The following CHCHD6 variants were observed in gnomAD, a reference collection of about 807,000 sequenced individuals.
CHCHD6 encodes the protein coiled-coil-helix-coiled-coil-helix domain containing 6.
A neutral mutation model predicts 32.3 loss-of-function variants in CHCHD6; 28 were observed. The ratio of observed to expected loss-of-function variants is 0.87; its 90% CI spans 0.64 to 1.19. CHCHD6 has a LOEUF of 1.19. CHCHD6 is among the 50% of genes most tolerant of loss of function. The pLI, the probability that CHCHD6 is intolerant of heterozygous loss-of-function variation, is 0.00. For missense variants in CHCHD6, 333 were observed against 307.0 expected (o/e 1.08, Z -0.63); for synonymous variants, 122 against 117.5 (o/e 1.04, Z -0.25).
At chr3:126,807,447 A>T (rs528044401) in intron 4 of CHCHD6, among the ~76,000 whole-genome samples, 17 of 152,172 alleles carry the variant, frequency 1.1e-4, no homozygotes, top group Non-Finnish European at 4.4e-5. Context: ...AATTCAATAG[A>T]AGGGCTAGAA....
At chr3:126,863,515 T>C (rs1942054309) in intron 5 of CHCHD6, among the ~76,000 whole-genome samples, 1 of 132,848 alleles carries the variant, frequency 7.5e-6, no homozygotes, top group African/African-American at 3.0e-5. Context: ...CACCACCTCC[T>C]CCTCCACCAT....
At chr3:126,902,367 A>G (rs2077940662) in intron 5 of CHCHD6, among the ~76,000 whole-genome samples, 1 of 152,176 alleles carries the variant, frequency 6.6e-6, no homozygotes, top group Admixed American at 6.5e-5. Flanking sequence ...ATGAAGGATA[A>G]AAGGACTATT....
rs756675938 is a variant in CHCHD6, at chr3:126,854,061, C to T, written c.495+1331C>T. On this transcript the variant is annotated intron_variant, in intron 5 of 7. Coordinates refer to ENST00000290913, the MANE Select transcript of CHCHD6 (RefSeq NM_032343.3). ...GTTTCAGGCAGAAAGGAAAGAGCCT[C>T]GCAGCATTTTTGCCTCTCTAAAATC... is the stretch of plus-strand genomic sequence containing the variant. Among the ~76,000 whole-genome samples, 10 of 152,142 alleles carry T rather than the reference C, an allele frequency of 6.6e-5. No homozygotes were observed. In the East Asian group the frequency reaches 1.2e-3, roughly 18 times the overall value.
At chr3:126,736,295 G>C (rs1936041246) in intron 4 of CHCHD6, among the ~76,000 whole-genome samples, 1 of 152,218 alleles carries the variant, frequency 6.6e-6, no homozygotes, top group Non-Finnish European at 1.5e-5. Context: ...TGGTGTGGCA[G>C]TGTGTGGATC....
chr3:126,913,001 A>G (rs2078114928), intron 5 of CHCHD6, among the ~76,000 whole-genome samples: 1 of 152,194 alleles, frequency 6.6e-6, no homozygotes, highest in Non-Finnish European at 1.5e-5. Context: ...GCCCAGCTTC[A>G]GCCAGGCTAG....
At chr3:126,801,376 A>G (rs534676959) in intron 4 of CHCHD6, among the ~76,000 whole-genome samples, 57 of 152,310 alleles carry the variant, frequency 3.7e-4, no homozygotes, top group African/African-American at 9.9e-4. Context: ...CACTTTTCTG[A>G]TGGGCTTAGG....
chr3:126,934,267 A>T (rs903193714), intron 6 of CHCHD6, among the ~76,000 whole-genome samples: 1 of 152,238 alleles, frequency 6.6e-6, no homozygotes, highest in Admixed American at 6.5e-5. Context: ...ACAGAGATAG[A>T]TGAATTGCCT....
At position 126,835,910 on chromosome 3, in the gene CHCHD6, G is replaced by C. The variant is rs7653055; in HGVS notation, c.412-16737G>C. On this transcript the variant is annotated intron_variant, in intron 4 of 7. Coordinates refer to ENST00000290913, the MANE Select transcript of CHCHD6 (RefSeq NM_032343.3). ...TAGAAAATCGCATATTATTTCTTCT[G>C]TAAAGGTTTCTCCTTGCCACCTTTC... Among the ~76,000 whole-genome samples the C allele has an allele frequency of 6.1e-3, 934 of 152,290 alleles. 8 individuals are homozygous for C. Among genetic ancestry groups the C allele is most frequent in the African/African-American group, 0.021 (893 of 41,552 alleles).
chr3:126,924,824 C>T (rs1015172285), intron 6 of CHCHD6, among the ~76,000 whole-genome samples: 1 of 152,184 alleles, frequency 6.6e-6, no homozygotes, highest in Non-Finnish European at 1.5e-5. Flanking sequence ...GACCTCTCCT[C>T]CATGGACATG....
At chr3:126,712,176 A>AC (rs1488004060) in intron 1 of CHCHD6, among the ~76,000 whole-genome samples, 1 of 152,186 alleles carries the variant, frequency 6.6e-6, no homozygotes, top group East Asian at 1.9e-4. Flanking sequence ...TCTGAAACTC[A>AC]CTGTGTGTGA....
intron 4 of CHCHD6, among the ~76,000 whole-genome samples, chr3:126,810,376 A>G (rs1374508017): frequency 6.6e-6 from 1 of 152,204 alleles, no homozygotes; most frequent in Admixed American, 6.5e-5. Flanking sequence ...TAGATGCCAG[A>G]ATTAGAAACA....
intron 4 of CHCHD6, among the ~76,000 whole-genome samples, chr3:126,832,816 C>T (rs1940697823): frequency 6.6e-6 from 1 of 152,150 alleles, no homozygotes; most frequent in African/African-American, 2.4e-5. Context: ...TTAGAGCCAG[C>T]TGAGTTAGGG....
chr3:126,821,135 A>G (rs1025368558), intron 4 of CHCHD6, among the ~76,000 whole-genome samples: 11 of 152,192 alleles, frequency 7.2e-5, no homozygotes, highest in South Asian at 2.1e-4. Context: ...AGGTTCATCC[A>G]TATTGTAGCA....
chr3:126,817,971 A>C (rs1576453421), intron 4 of CHCHD6, among the ~76,000 whole-genome samples: 1 of 152,220 alleles, frequency 6.6e-6, no homozygotes, highest in Admixed American at 6.5e-5. Flanking sequence ...TGATTTGGCC[A>C]CTACCCAGCT....
At chr3:126,902,904 G>A (rs1232649468) in intron 5 of CHCHD6, among the ~76,000 whole-genome samples, 1 of 152,082 alleles carries the variant, frequency 6.6e-6, no homozygotes, top group Non-Finnish European at 1.5e-5. Context: ...TGGTGCTGCT[G>A]GCGTGGAAGC....
chr3:126,792,818 A>T (rs1046986909), intron 4 of CHCHD6, among the ~76,000 whole-genome samples: 1 of 152,128 alleles, frequency 6.6e-6, no homozygotes, highest in African/African-American at 2.4e-5. Context: ...TAGTGGTTGT[A>T]TCAGTTTCTG....
At chr3:126,804,483 G>T (rs928254433) in intron 4 of CHCHD6, among the ~76,000 whole-genome samples, 1 of 152,060 alleles carries the variant, frequency 6.6e-6, no homozygotes, top group Non-Finnish European at 1.5e-5. Context: ...TAAATTCCTC[G>T]ACACATACAC....
chr3:126,830,083 G>A (rs994072007), intron 4 of CHCHD6, among the ~76,000 whole-genome samples: 4 of 152,200 alleles, frequency 2.6e-5, no homozygotes, highest in African/African-American at 7.2e-5. Context: ...GGGCCACAGA[G>A]TGAGACTCTG....
chr3:126,771,588 A>G (rs1937543471), intron 4 of CHCHD6, among the ~76,000 whole-genome samples: 1 of 152,082 alleles, frequency 6.6e-6, no homozygotes, highest in African/African-American at 2.4e-5. Context: ...TCAAATAACC[A>G]ACTCCTGGGT....
Sources: gnomAD v4.1 joint callset for allele counts (sites outside exome capture counted in the v4.1 genomes callset) on GRCh38, gnomAD v4.1.1 for gene constraint, MANE v1.5 for transcripts, NCBI Gene and HGNC (gene_info 2026-07-23, HGNC 2026-07-21) for gene names.